C14orf132: variants seen among roughly 807,000 people sequenced by gnomAD.
The protein encoded by C14orf132 is chromosome 14 open reading frame 132, also known as uncharacterized protein C14orf132.
Under a neutral mutation model 5.8 loss-of-function variants are expected in C14orf132, and 6 were observed. That is an observed-to-expected ratio of 1.03 (90% CI 0.57 to 2.04). The LOEUF (loss-of-function observed/expected upper bound fraction) is 2.04. C14orf132 is among the 30% of genes most tolerant of loss of function. The probability of loss-of-function intolerance (pLI) is 0.00; values close to 1 mark genes in which losing one functional copy is unlikely to be tolerated. For synonymous variants in C14orf132, 51 were observed against 49.8 expected (o/e 1.02, Z -0.10); for missense variants, 125 against 115.8 (o/e 1.08, Z -0.37).
intron 1 of C14orf132, among the ~76,000 whole-genome samples, chr14:96,049,558 A>G (rs1392768534): frequency 1.5e-5 from 2 of 133,722 alleles, no homozygotes; most frequent in South Asian, 4.5e-4. Context: ...ATATACATAT[A>G]TACGTATATA....
At chr14:96,063,031 T>C (rs1428636984) in intron 1 of C14orf132, among the ~76,000 whole-genome samples, 2 of 152,188 alleles carry the variant, frequency 1.3e-5, no homozygotes, top group East Asian at 3.8e-4. Context: ...TCAGTACTTT[T>C]ATCACAGAAA....
At position 96,039,855 on chromosome 14, in the gene C14orf132, G is replaced by A. The variant is rs2139635248; in HGVS notation, c.27+328G>A. On this transcript the variant is annotated intron_variant, in intron 1 of 1. Coordinates refer to ENST00000555004, the MANE Select transcript of C14orf132 (RefSeq NM_001252507.3). This position sits in a 1 kb window ranked among gnomAD's most constrained non-coding sequence, Gnocchi z 5.3. ...CATCCCCCACTGCTGTCCCCCTTCT[G>A]GGGTCCCGGAGCCCTCCAAGGCCGG... 6.6e-6 allele frequency among the ~76,000 whole-genome samples: 1 copy of A among 152,050 alleles called. No individual in the cohort carries two copies. The highest frequency in any genetic ancestry group is 1.5e-5 in the Non-Finnish European group (1 of 67,940).
chr14:96,091,069 A>G lies in C14orf132; in HGVS notation c.*4334A>G, dbSNP rs1422628728. ...GGATGCAGAGAGATGCACGTTAATT[A>G]CTGTCGCATTTTTCTGTGGAGAAAA... On this transcript the variant is annotated 3_prime_UTR_variant, in exon 2 of 2. Coordinates refer to ENST00000555004, the MANE Select transcript of C14orf132 (RefSeq NM_001252507.3). The G allele has an allele frequency of 2.2e-6, 1 of 452,814 alleles. No homozygotes were observed. The highest frequency in any genetic ancestry group is 2.0e-5 in the African/African-American group (1 of 49,916). The allele number at this position is 452,814 out of a possible 1,614,324, so 28.0% of individuals were successfully genotyped here. A position where few individuals can be genotyped will look rare whatever the true frequency, so the allele number is the denominator to read the frequency against.
intron 1 of C14orf132, among the ~76,000 whole-genome samples, chr14:96,064,328 A>G (rs1052928843): frequency 6.7e-6 from 1 of 150,224 alleles, no homozygotes. Flanking sequence ...ATGCCCATCA[A>G]TCATCGAGTG....
intron 1 of C14orf132, among the ~76,000 whole-genome samples, chr14:96,076,916 G>A (rs1361528297): frequency 5.9e-5 from 9 of 152,178 alleles, no homozygotes; most frequent in African/African-American, 2.2e-4. Context: ...GGATTATTTA[G>A]GAGTGTGTGA....
intron 1 of C14orf132, among the ~76,000 whole-genome samples, chr14:96,049,562 G>GTATATATACGTATATATGTA (rs1886948010): frequency 1.1e-5 from 1 of 94,480 alleles, no homozygotes; most frequent in Non-Finnish European, 2.4e-5. Flanking sequence ...ACATATATAC[G>GTATATATACGTATATATGTA]TATATATACA....
chr14:96,077,012 T>A (rs1236427658), intron 1 of C14orf132, among the ~76,000 whole-genome samples: 1 of 152,218 alleles, frequency 6.6e-6, no homozygotes, highest in Non-Finnish European at 1.5e-5. Flanking sequence ...GAAGACATAT[T>A]TCATAGGATT....
At chr14:96,040,775 C>T (rs1886671381) in intron 1 of C14orf132, among the ~76,000 whole-genome samples, 1 of 151,798 alleles carries the variant, frequency 6.6e-6, no homozygotes, top group South Asian at 2.1e-4. Context: ...TTTTACATCT[C>T]CTGTGCCTAA....
chr14:96,066,347 G>A (rs1018867977), intron 1 of C14orf132, among the ~76,000 whole-genome samples: 6 of 152,154 alleles, frequency 3.9e-5, no homozygotes, highest in African/African-American at 1.2e-4. Context: ...ATGAGACAGC[G>A]TTTTCTCCCC....
At chr14:96,058,735 A>T (rs1227539870) in intron 1 of C14orf132, among the ~76,000 whole-genome samples, 3 of 152,170 alleles carry the variant, frequency 2.0e-5, no homozygotes, top group Non-Finnish European at 4.4e-5. Context: ...AATGGGAAGG[A>T]TCCATAGATT....
chr14:96,039,566 G>T lies in C14orf132; in HGVS notation c.27+39G>T. On this transcript the variant is annotated intron_variant, in intron 1 of 1. Coordinates refer to ENST00000555004, the MANE Select transcript of C14orf132 (RefSeq NM_001252507.3). This position sits in a 1 kb window ranked among gnomAD's most constrained non-coding sequence, Gnocchi z 5.3. ...CCCCCCACGCGCCCCGGGCCGCCAA[G>T]TTTGGGGAGGTTCGGGGCCACGGTC... 6.7e-7 allele frequency: 1 copy of T among 1,490,544 alleles called. No homozygotes were observed. The allele number at this position is 1,490,544 out of a possible 1,614,324, so 92.3% of individuals were successfully genotyped here. A position where few individuals can be genotyped will look rare whatever the true frequency, so the allele number is the denominator to read the frequency against.
chr14:96,051,023 C>T, intron 1 of C14orf132: 1 of 395,722 alleles, frequency 2.5e-6, no homozygotes, highest in Non-Finnish European at 4.5e-6. Flanking sequence ...GACCATTACC[C>T]CTACCTCCCA....
rs1555384120 is a variant in C14orf132 at position 96,049,639 on chromosome 14, C to CGTATATAT, written c.27+10113_27+10120dup. Among the ~76,000 whole-genome samples, 45 of 46,496 alleles carry CGTATATAT rather than the reference C, an allele frequency of 9.7e-4. 7 individuals carry two copies. The highest frequency in any genetic ancestry group is 3.8e-3 in the African/African-American group (25 of 6,620). 30.5% of individuals were successfully genotyped at this position (46,496 alleles called of 152,430 possible). Reference sequence around the variant, plus strand: ...ATATACGTATATATATACATATATACGTATATATATATATAGAGAGAGAGA... The same window carrying CGTATATAT: ...ATATACGTATATATATACATATATACGTATATATGTATATATATATATAGAGAGAGAGA... On this transcript the variant is annotated intron_variant, in intron 1 of 1. Coordinates refer to ENST00000555004, the MANE Select transcript of C14orf132 (RefSeq NM_001252507.3).
At chr14:96,075,719 A>G (rs1363642385) in intron 1 of C14orf132, among the ~76,000 whole-genome samples, 3 of 152,150 alleles carry the variant, frequency 2.0e-5, no homozygotes, top group East Asian at 1.9e-4. Flanking sequence ...TCAGTGTGGC[A>G]TGAATTGTAA....
chr14:96,069,179 G>A (rs201638194), intron 1 of C14orf132, among the ~76,000 whole-genome samples: 2 of 48,762 alleles, frequency 4.1e-5, no homozygotes, highest in Non-Finnish European at 5.2e-5. Context: ...ATATATATAT[G>A]TATATATATA....
At chr14:96,045,455 G>A (rs1337726537) in intron 1 of C14orf132, among the ~76,000 whole-genome samples, 3 of 152,140 alleles carry the variant, frequency 2.0e-5, no homozygotes, top group African/African-American at 7.2e-5. Context: ...TGGTGAGGGG[G>A]TGGGTGTATA....
chr14:96,042,361 T>C (rs1264011166), intron 1 of C14orf132, among the ~76,000 whole-genome samples: 1 of 152,166 alleles, frequency 6.6e-6, no homozygotes. Context: ...TGCAAGTTAT[T>C]GAGCAGGAGA....
chr14:96,083,749 T>C (rs1888097410), intron 1 of C14orf132, among the ~76,000 whole-genome samples: 1 of 152,224 alleles, frequency 6.6e-6, no homozygotes, highest in Non-Finnish European at 1.5e-5. Context: ...CCTCTGAAAC[T>C]GTATGATACA....
At chr14:96,084,099 G>C (rs1328661311) in intron 1 of C14orf132, among the ~76,000 whole-genome samples, 1 of 152,226 alleles carries the variant, frequency 6.6e-6, no homozygotes, top group African/African-American at 2.4e-5. Context: ...AGAAGAGAGA[G>C]ACAGGACATA....
Sources: gnomAD v4.1 joint callset for allele counts (sites outside exome capture counted in the v4.1 genomes callset) on GRCh38, gnomAD v4.1.1 for gene constraint, Gnocchi (gnomAD v3.1) non-coding constraint, MANE v1.5 for transcripts, NCBI Gene and HGNC (gene_info 2026-07-23, HGNC 2026-07-21) for gene names.